GLIS3: variants seen among roughly 807,000 people sequenced by gnomAD.
The protein encoded by GLIS3 is zinc finger protein GLIS3.
Under a neutral mutation model 78.6 loss-of-function variants are expected in GLIS3, and 53 were observed. That is an observed-to-expected ratio of 0.67 (90% CI 0.54 to 0.85). The LOEUF (loss-of-function observed/expected upper bound fraction) is 0.85, where lower values mean the gene tolerates loss of function less well. Ranked by LOEUF, GLIS3 falls within the 40% of genes least tolerant of loss-of-function variation. GLIS3 has a pLI of 0.00. For missense variants in GLIS3, 1,703 were observed against 1,231.1 expected, an observed-to-expected ratio of 1.38 and a Z score of -5.74; for synonymous variants, 684 against 509.9, an observed-to-expected ratio of 1.34 and a Z score of -4.60.
At chr9:4,266,857 C>T (rs765564218) in intron 2 of GLIS3, among the ~76,000 whole-genome samples, 1 of 152,188 alleles carries the variant, frequency 6.6e-6, no homozygotes, top group Non-Finnish European at 1.5e-5. Context: ...CCAAAGACAA[C>T]ATCAAATATA....
the GLIS3 span, chr9:4,386,670 G>C: frequency 6.6e-6 from 1 of 152,206 alleles, no homozygotes; most frequent in Non-Finnish European, 1.5e-5. Flanking sequence ...ATACCCCCTA[G>C]AGGATTCCAC....
intron 2 of GLIS3, among the ~76,000 whole-genome samples, chr9:4,187,044 A>G (rs7042672): frequency 0.41 from 62,094 of 151,954 alleles, 12,976 homozygotes; most frequent in South Asian, 0.55. Flanking sequence ...CATTGCTTTC[A>G]GTGTTTTAGA....
chr9:4,416,362 C>T, the GLIS3 span, among the ~76,000 whole-genome samples: 6 of 147,700 alleles, frequency 4.1e-5, 1 homozygote, highest in Admixed American at 4.0e-4. Flanking sequence ...AATTTTAAAA[C>T]CTCTCTTACT....
chr9:4,438,774 C>A, the GLIS3 span, among the ~76,000 whole-genome samples: 1 of 152,128 alleles, frequency 6.6e-6, no homozygotes, highest in East Asian at 1.9e-4. Flanking sequence ...TCTTGCCTGC[C>A]GCCATGTAGG....
chr9:4,185,210 T>C (rs1280890610), intron 2 of GLIS3, among the ~76,000 whole-genome samples: 2 of 152,338 alleles, frequency 1.3e-5, no homozygotes, highest in East Asian at 3.9e-4. Flanking sequence ...TCACAGTCTG[T>C]GGTCTTTTGT....
In GLIS3 at chr9:4,238,845, A is replaced by G. The variant is rs767754141; in HGVS notation, c.388+47193T>C. ...TGGGGTTAAGACTTTTGAAATGACC[A>G]GCAGAGAGATGGACTCTAACTACTA... On this transcript the variant is annotated intron_variant, in intron 2 of 10. Coordinates refer to ENST00000381971, the MANE Select transcript of GLIS3 (RefSeq NM_001042413.2). 1.8e-4 allele frequency among the ~76,000 whole-genome samples: 27 copies of G among 152,250 alleles called. No homozygotes were observed. In the Middle Eastern group the frequency reaches 0.014, roughly 77 times the overall value.
intron 4 of GLIS3, among the ~76,000 whole-genome samples, chr9:3,938,313 G>T (rs1826006581): frequency 6.6e-6 from 1 of 152,162 alleles, no homozygotes; most frequent in African/African-American, 2.4e-5. Flanking sequence ...GGAATGCAGG[G>T]GGGTGAGGGT....
At chr9:4,024,539 A>G (rs10814816) in intron 4 of GLIS3, among the ~76,000 whole-genome samples, 30,350 of 152,040 alleles carry the variant, frequency 0.2, 3,719 homozygotes, top group African/African-American at 0.34. Flanking sequence ...CAGGAAACTC[A>G]GTCTCTTCAT....
intron 4 of GLIS3, among the ~76,000 whole-genome samples, chr9:4,050,529 T>C (rs1825675094): frequency 6.6e-6 from 1 of 152,120 alleles, no homozygotes; most frequent in South Asian, 2.1e-4. Flanking sequence ...CAAGCCAACA[T>C]GGCACATGTA....
At chr9:4,025,249 C>CAA (rs201640939) in intron 4 of GLIS3, among the ~76,000 whole-genome samples, 13 of 140,840 alleles carry the variant, frequency 9.2e-5, no homozygotes, top group Admixed American at 5.0e-4. Context: ...GACTCCGTCT[C>CAA]AAAAAAAAAA....
At chr9:4,298,258 C>G (rs1816769563) in intron 1 of GLIS3, 1 of 332,478 alleles carries the variant, frequency 3.0e-6, no homozygotes, top group East Asian at 1.4e-4. Context: ...CCCCCCGGTC[C>G]CCGCCGAGCC....
chr9:4,399,416 G>C, the GLIS3 span, among the ~76,000 whole-genome samples: 1 of 152,172 alleles, frequency 6.6e-6, no homozygotes, highest in Non-Finnish European at 1.5e-5. Context: ...AGCACTGAAA[G>C]TAGATAGTTT....
chr9:3,969,094 T>C (rs1388759135), intron 4 of GLIS3, among the ~76,000 whole-genome samples: 1 of 152,182 alleles, frequency 6.6e-6, no homozygotes, highest in East Asian at 1.9e-4. Flanking sequence ...TTGACTCACC[T>C]CTAGGTTCAT....
At chr9:4,394,080 T>TAA in the GLIS3 span, among the ~76,000 whole-genome samples, 18,154 of 151,220 alleles carry the variant, frequency 0.12, 1,223 homozygotes, top group African/African-American at 0.17. Context: ...ATTTGTCTCT[T>TAA]AAAAAAAAGA....
intron 4 of GLIS3, among the ~76,000 whole-genome samples, chr9:4,102,527 C>A (rs1237763150): frequency 1.3e-5 from 2 of 152,106 alleles, no homozygotes; most frequent in African/African-American, 2.4e-5. Context: ...ACTGAGGGTA[C>A]AGAAGGTGCT....
At chr9:4,259,844 A>C (rs1022948810) in intron 2 of GLIS3, among the ~76,000 whole-genome samples, 2 of 152,164 alleles carry the variant, frequency 1.3e-5, no homozygotes, top group African/African-American at 4.8e-5. Context: ...AAAAAAAGTA[A>C]ATCTCCTTCT....
chr9:4,347,798 A>C (rs1817914687), intron 1 of GLIS3, among the ~76,000 whole-genome samples: 1 of 152,098 alleles, frequency 6.6e-6, no homozygotes, highest in South Asian at 2.1e-4. Context: ...TGAAAATCTT[A>C]AGAATAACTA....
chr9:4,486,008 C>T, the GLIS3 span, among the ~76,000 whole-genome samples: 7 of 152,182 alleles, frequency 4.6e-5, no homozygotes, highest in African/African-American at 1.4e-4. Flanking sequence ...AGGCGTGAGC[C>T]GCCGCACCTG....
At chr9:4,448,247 C>T in the GLIS3 span, among the ~76,000 whole-genome samples, 3 of 152,166 alleles carry the variant, frequency 2.0e-5, no homozygotes, top group South Asian at 2.1e-4. Context: ...ATTCATCTAT[C>T]GGGGATCATT....
Sources: gnomAD v4.1 joint callset for allele counts (sites outside exome capture counted in the v4.1 genomes callset) on GRCh38, gnomAD v4.1.1 for gene constraint, MANE v1.5 for transcripts, NCBI Gene and HGNC (gene_info 2026-07-23, HGNC 2026-07-21) for gene names.